The following IGSF11 variants were observed in gnomAD, a reference collection of about 807,000 sequenced individuals.
The protein encoded by IGSF11 is immunoglobulin superfamily member 11.
Under a neutral mutation model 41.0 loss-of-function variants are expected in IGSF11, and 22 were observed. The observed-to-expected ratio is 0.54, with a 90% confidence interval of 0.38 to 0.77. IGSF11 has a LOEUF of 0.77. IGSF11 is among the 30% of genes least tolerant of loss of function. The pLI is 0.00. For synonymous variants in IGSF11, 219 were observed against 201.3 expected (o/e 1.09, Z -0.74); for missense variants, 444 against 530.8 (o/e 0.84, Z 1.61).
intron 1 of IGSF11, among the ~76,000 whole-genome samples, chr3:119,143,491 G>A (rs1055041838): frequency 6.6e-6 from 1 of 151,942 alleles, no homozygotes; most frequent in Non-Finnish European, 1.5e-5. Context: ...AAAGGAATGA[G>A]AAAGGAATCA....
At chr3:119,116,562 T>C (rs1025439382) in intron 1 of IGSF11, among the ~76,000 whole-genome samples, 7 of 152,232 alleles carry the variant, frequency 4.6e-5, no homozygotes, top group African/African-American at 1.7e-4. Context: ...TCCTGGCATA[T>C]TGGGCCATGC....
intron 1 of IGSF11, among the ~76,000 whole-genome samples, chr3:118,986,153 C>T (rs1935234593): frequency 3.3e-5 from 5 of 152,204 alleles, no homozygotes; most frequent in Admixed American, 3.3e-4. Context: ...CAAGGAGCCA[C>T]AGTTCAAAAA....
intron 1 of IGSF11, among the ~76,000 whole-genome samples, chr3:119,074,787 G>T (rs558304908): frequency 6.6e-6 from 1 of 152,214 alleles, no homozygotes; most frequent in East Asian, 1.9e-4. Flanking sequence ...GGGAGGCGGA[G>T]CTTGCAGTGA....
chr3:119,108,533 A>G (rs1466694387), upstream of IGSF11, among the ~76,000 whole-genome samples: 2 of 148,424 alleles, frequency 1.3e-5, no homozygotes, highest in East Asian at 4.0e-4. Flanking sequence ...GTCATCTGCA[A>G]ACAGGGACAA....
At chr3:119,115,069 T>C (rs1359316189) in intron 1 of IGSF11, among the ~76,000 whole-genome samples, 1 of 152,186 alleles carries the variant, frequency 6.6e-6, no homozygotes, top group African/African-American at 2.4e-5. Flanking sequence ...ATCCCCATGG[T>C]TCAATCATCA....
intron 1 of IGSF11, among the ~76,000 whole-genome samples, chr3:119,103,595 C>T (rs1452430077): frequency 6.6e-6 from 1 of 152,064 alleles, no homozygotes; most frequent in Admixed American, 6.5e-5. Flanking sequence ...CAAGGTTATG[C>T]GTAAAAGTTT....
Position 119,034,813 on chromosome 3 carries a change from C to G in IGSF11, c.-231G>C, listed in dbSNP as rs1284789428. 8 of 1,255,316 alleles carry G rather than the reference C, an allele frequency of 6.4e-6. No individual in the cohort carries two copies. Among genetic ancestry groups the G allele is most frequent in the Non-Finnish European group, 6.0e-6 (6 of 999,698 alleles). The allele number at this position is 1,255,316 out of a possible 1,614,324, so 77.8% of individuals were successfully genotyped here. The stretch of plus-strand genomic sequence containing the variant: ...GCTGTGACCAGAGGCGTTCCGGGCT[C>G]GCCAGCCGTGCCACCCAGCCCTGCC... On this transcript the variant is annotated 5_prime_UTR_variant, in exon 1 of 7. Coordinates refer to ENST00000393775, the MANE Select transcript of IGSF11 (RefSeq NM_001015887.3).
In IGSF11 at chr3:119,117,015, C is replaced by T. The variant is rs1028745236; in HGVS notation, c.-13-11810G>A. Among the ~76,000 whole-genome samples the T allele has an allele frequency of 3.9e-5, 6 of 152,216 alleles. 1 individual carries two copies. Among genetic ancestry groups the T allele is most frequent in the East Asian group, 3.9e-4 (2 of 5,176 alleles). Reference sequence around the variant, plus strand: ...TTTCCCAAACTGTCCTTGAAAAACCCCTAACATATGGGCTTTGAATGAGAT... The same window carrying T: ...TTTCCCAAACTGTCCTTGAAAAACCTCTAACATATGGGCTTTGAATGAGAT... On this transcript the variant is annotated intron_variant, in intron 1 of 7. Coordinates refer to the IGSF11 transcript ENST00000425327.
intron 1 of IGSF11, among the ~76,000 whole-genome samples, chr3:119,051,662 A>G (rs1256477750): frequency 2.0e-5 from 3 of 152,198 alleles, no homozygotes; most frequent in South Asian, 4.1e-4. Flanking sequence ...CTACCCAACA[A>G]CTGCACAATA....
chr3:118,970,117 C>T (rs953189734), intron 1 of IGSF11, among the ~76,000 whole-genome samples: 1 of 152,188 alleles, frequency 6.6e-6, no homozygotes, highest in Non-Finnish European at 1.5e-5. Context: ...CATGCCACCA[C>T]CCCAGCTCTA....
intron 1 of IGSF11, among the ~76,000 whole-genome samples, chr3:119,001,504 G>T (rs1936851359): frequency 7.0e-6 from 1 of 143,794 alleles, no homozygotes; most frequent in Non-Finnish European, 1.5e-5. Flanking sequence ...AAGTTTTAGG[G>T]TACATGTGCA....
intron 1 of IGSF11, among the ~76,000 whole-genome samples, chr3:119,052,767 T>G (rs968783827): frequency 4.6e-5 from 7 of 151,852 alleles, no homozygotes; most frequent in Admixed American, 4.6e-4. Context: ...ACTAATCGAA[T>G]CCAACAGCTT....
At chr3:119,109,978 G>T (rs1379159485), upstream of IGSF11, among the ~76,000 whole-genome samples, 4 of 152,038 alleles carry the variant, frequency 2.6e-5, no homozygotes, top group Non-Finnish European at 4.4e-5. Flanking sequence ...TTTCTGTTCT[G>T]TCACATTTGT....
chr3:119,082,145 A>C (rs1426236093), intron 1 of IGSF11, among the ~76,000 whole-genome samples: 2 of 152,184 alleles, frequency 1.3e-5, no homozygotes. Context: ...ATTTATATTC[A>C]CTTTCTTTAT....
At chr3:119,031,912 T>C (rs1940436802) in intron 1 of IGSF11, among the ~76,000 whole-genome samples, 1 of 152,226 alleles carries the variant, frequency 6.6e-6, no homozygotes, top group Non-Finnish European at 1.5e-5. Context: ...TTTCTTTTTA[T>C]ACATTTTCTC....
rs143280840 is a variant in IGSF11 at position 119,060,447 on chromosome 3, G to C, written c.49+44697C>G. Among the ~76,000 whole-genome samples, 14 of 135,794 alleles carry C rather than the reference G, an allele frequency of 1.0e-4. No homozygotes were observed. In the East Asian group the frequency reaches 3.1e-3, roughly 30 times the overall value. 89.1% of individuals were successfully genotyped at this position (135,794 alleles called of 152,430 possible). Reference sequence around the variant, plus strand: ...GCACATATGATCAGTGTGTAGATCAGAACCAGTGATGGGTGTACATTTCAC... The same window carrying C: ...GCACATATGATCAGTGTGTAGATCACAACCAGTGATGGGTGTACATTTCAC... On this transcript the variant is annotated intron_variant, in intron 1 of 6. Transcript: ENST00000354673.
At chr3:119,106,353 C>G (rs1009304740), upstream of IGSF11, among the ~76,000 whole-genome samples, 1 of 152,150 alleles carries the variant, frequency 6.6e-6, no homozygotes, top group Non-Finnish European at 1.5e-5. Context: ...CATTTCCCCC[C>G]GAACTTCCCA....
chr3:119,131,301 C>T (rs1352899756), intron 1 of IGSF11, among the ~76,000 whole-genome samples: 1 of 151,922 alleles, frequency 6.6e-6, no homozygotes, highest in Non-Finnish European at 1.5e-5. Context: ...AGCTAAAAAC[C>T]TTGAAAAAAA....
intron 1 of IGSF11, among the ~76,000 whole-genome samples, chr3:119,040,768 G>T (rs114378250): frequency 6.6e-6 from 1 of 152,122 alleles, no homozygotes; most frequent in South Asian, 2.1e-4. Flanking sequence ...ATGAATCAAT[G>T]AATGAAGCAA....
Sources: gnomAD v4.1 joint callset for allele counts (sites outside exome capture counted in the v4.1 genomes callset) on GRCh38, gnomAD v4.1.1 for gene constraint, MANE v1.5 for transcripts, NCBI Gene and HGNC (gene_info 2026-07-23, HGNC 2026-07-21) for gene names.